The following RASSF5 variants were observed in gnomAD, a reference collection of about 807,000 sequenced individuals.
The protein encoded by RASSF5 is ras association domain-containing protein 5.
In RASSF5, 25 loss-of-function variants were observed where a neutral mutation model predicts 40.5. The ratio of observed to expected loss-of-function variants is 0.62; its 90% CI spans 0.45 to 0.86. The LOEUF (loss-of-function observed/expected upper bound fraction) is 0.86, where lower values mean the gene tolerates loss of function less well. Among genes scored for constraint, RASSF5 ranks in the 40% least tolerant of loss-of-function variants. The probability of loss-of-function intolerance (pLI) is 0.00; values close to 1 mark genes in which losing one functional copy is unlikely to be tolerated. For missense variants in RASSF5, 521 were observed against 572.8 expected, an observed-to-expected ratio of 0.91 and a Z score of 0.92; for synonymous variants, 246 against 252.4, an observed-to-expected ratio of 0.97 and a Z score of 0.24.
chr1:206,547,881 G>A (rs1572330013), intron 2 of RASSF5, among the ~76,000 whole-genome samples: 1 of 151,942 alleles, frequency 6.6e-6, no homozygotes, highest in Non-Finnish European at 1.5e-5. Context: ...GGTAGATCCA[G>A]GTTTCCATCC....
chr1:206,510,338 C>T (rs564686990), intron 1 of RASSF5, among the ~76,000 whole-genome samples: 1 of 152,008 alleles, frequency 6.6e-6, no homozygotes, highest in African/African-American at 2.4e-5. Context: ...CCACTTAGTC[C>T]CCACGTGAGT....
rs1178364284 is a variant in RASSF5 at position 206,579,674 on chromosome 1, C to T, written c.580-3595C>T. ...ATCAACTAGGAGATTTTTAAAATTCCCATGCCCAGACTGCACCCCAGACCA... is the reference window on the plus strand; with the variant it reads ...ATCAACTAGGAGATTTTTAAAATTCTCATGCCCAGACTGCACCCCAGACCA... On this transcript the variant is annotated intron_variant, in intron 2 of 5. Transcript: ENST00000579436. This position sits in a 1 kb window ranked among gnomAD's most constrained non-coding sequence, Gnocchi z 4.2. Among the ~76,000 whole-genome samples the T allele has an allele frequency of 6.6e-6, 1 of 152,090 alleles. No individual in the cohort carries two copies. Among genetic ancestry groups the T allele is most frequent in the East Asian group, 1.9e-4 (1 of 5,200 alleles).
intron 1 of RASSF5, among the ~76,000 whole-genome samples, chr1:206,509,722 T>A: frequency 9.1e-6 from 1 of 109,806 alleles, no homozygotes; most frequent in East Asian, 2.5e-4. Context: ...AGTTTTGTGA[T>A]TTTCTTTTTT....
intron 1 of RASSF5, among the ~76,000 whole-genome samples, chr1:206,522,308 C>T (rs1033321210): frequency 1.3e-5 from 2 of 152,044 alleles, no homozygotes; most frequent in Non-Finnish European, 2.9e-5. Flanking sequence ...GAGACGGAAC[C>T]GTAGAAAAAG....
chr1:206,560,902 A>G lies in RASSF5; in HGVS notation c.580-22367A>G, dbSNP rs782349709. Among the ~76,000 whole-genome samples, 3 of 152,244 alleles carry G rather than the reference A, an allele frequency of 2.0e-5. No individual in the cohort carries two copies. Among genetic ancestry groups the G allele is most frequent in the Non-Finnish European group, 4.4e-5 (3 of 68,038 alleles). On this transcript the variant is annotated intron_variant, in intron 2 of 5. Coordinates refer to ENST00000579436, the MANE Select transcript of RASSF5 (RefSeq NM_182663.4). The surrounding 1 kb of genome is among the most constrained non-coding windows in gnomAD (Gnocchi z 5.1). Reference sequence around the variant, plus strand: ...GGACTGGTGACTGTGAAGCCAGGCCAGGCCCTCTGTCCATCCCTCATATTT... The same window carrying G: ...GGACTGGTGACTGTGAAGCCAGGCCGGGCCCTCTGTCCATCCCTCATATTT...
rs140102421 is a variant in RASSF5, at chr1:206,535,684, G to GGTGT, written c.458-2473_458-2470dup. ...CAGCTCAGCATGGTGATGTTTTCAG[G>GGTGT]GTGTGTGTGTGTGTGTGTCTGTGTG... On this transcript the variant is annotated intron_variant, in intron 1 of 5. Coordinates refer to ENST00000579436, the MANE Select transcript of RASSF5 (RefSeq NM_182663.4). This position sits in a 1 kb window ranked among gnomAD's most constrained non-coding sequence, Gnocchi z 5.0. Among the ~76,000 whole-genome samples the GGTGT allele has an allele frequency of 1.4e-5, 2 of 148,018 alleles. No homozygotes were observed. Among genetic ancestry groups the GGTGT allele is most frequent in the African/African-American group, 2.5e-5 (1 of 39,716 alleles).
At chr1:206,582,987 AATCTC>A in intron 2 of RASSF5, 1 of 298,514 alleles carries the variant, frequency 3.3e-6, no homozygotes, top group Non-Finnish European at 6.5e-6. Flanking sequence ...CTTTCACACT[AATCTC>A]AAGACAAGCC....
rs573138386 is a variant in RASSF5, at chr1:206,579,585, G to A, written c.580-3684G>A. On this transcript the variant is annotated intron_variant, in intron 2 of 5. Coordinates refer to ENST00000579436, the MANE Select transcript of RASSF5 (RefSeq NM_182663.4). The surrounding 1 kb of genome is among the most constrained non-coding windows in gnomAD (Gnocchi z 4.2). ...TCAGCAGCTGGATGAAGACCCTTGA[G>A]GTCTGGAATTGTTGTGAGGGGTCTG... Among the ~76,000 whole-genome samples the A allele has an allele frequency of 1.1e-4, 16 of 152,322 alleles. No homozygotes were observed. Among genetic ancestry groups the A allele is most frequent in the African/African-American group, 2.6e-4 (11 of 41,568 alleles).
chr1:206,584,640 C>A lies in RASSF5; in HGVS notation c.944C>A (p.Pro315His). The change falls in exon 4 of 6, where the codon CCC becomes CAC. Residue 315 changes from proline (P) to histidine (H), a missense_variant. Pro to His is a moderately conservative substitution (Grantham distance 77, BLOSUM62 -2). Transcript: ENST00000579436. The surrounding 1 kb of genome is among the most constrained non-coding windows in gnomAD (Gnocchi z 4.9). The stretch of plus-strand genomic sequence containing the variant: ...AAGAAGTTCATGGTTGTGGACAATC[C>A]CCAGAAGTTTGCACTTTTTAAGCGG... Reference protein sequence around the residue: ...LLKKFMVVDNPQKFALFKRIH... With the variant: ...LLKKFMVVDNHQKFALFKRIH... The A allele has an allele frequency of 6.2e-7, 1 of 1,614,156 alleles. No individual in the cohort carries two copies. The highest frequency in any genetic ancestry group is 8.5e-7 in the Non-Finnish European group (1 of 1,180,040).
chr1:206,575,362 G>C (rs1306643109), intron 2 of RASSF5, among the ~76,000 whole-genome samples: 3 of 152,202 alleles, frequency 2.0e-5, no homozygotes, highest in African/African-American at 7.2e-5. Context: ...AGCTGAGAAA[G>C]AGGAAATGTG....
At position 206,538,263 on chromosome 1, in the gene RASSF5, A is replaced by T; in HGVS notation, c.549A>T (p.Pro183=). 4 of 1,614,088 alleles carry T rather than the reference A, an allele frequency of 2.5e-6. No individual in the cohort carries two copies. The highest frequency in any genetic ancestry group is 3.4e-6 in the Non-Finnish European group (4 of 1,180,024). Residue 183 remains proline (P), a synonymous_variant, in exon 2 of 6, where the codon CCA becomes CCT. Transcript: ENST00000579436. ...GTTTATCCCGGGACAGACCCTCTCC[A>T]GAAAGCACCCTCACCGTGACCTTCA... ...QEGLSRDRPS[P]ESTLTVTFSQ...
chr1:206,511,172 T>C (rs976076668), intron 1 of RASSF5, among the ~76,000 whole-genome samples: 1 of 152,032 alleles, frequency 6.6e-6, no homozygotes, highest in Non-Finnish European at 1.5e-5. Flanking sequence ...GGAAATCCAG[T>C]GGGGATCTGT....
At position 206,507,836 on chromosome 1, in the gene RASSF5, A is replaced by G. The variant is rs1666499073; in HGVS notation, c.234A>G (p.Arg78=). ...GNLEPPPRAS[R]PARPLRPGLQ... is the part of the protein sequence containing the mutation. Reference sequence around the variant, plus strand: ...TGGAGCCCCCGCCCCGGGCCTCCCGACCCGCTCGCCCGCTCCGGCCTGGTC... The same window carrying G: ...TGGAGCCCCCGCCCCGGGCCTCCCGGCCCGCTCGCCCGCTCCGGCCTGGTC... The change falls in exon 1 of 6, where the codon CGA becomes CGG. Residue 78 remains arginine (R), a synonymous_variant. Transcript: ENST00000579436. 2.1e-6 allele frequency: 3 copies of G among 1,443,432 alleles called. No homozygotes were observed. Among genetic ancestry groups the G allele is most frequent in the South Asian group, 1.4e-5 (1 of 72,426 alleles). The allele number at this position is 1,443,432 out of a possible 1,614,324, so 89.4% of individuals were successfully genotyped here. A position where few individuals can be genotyped will look rare whatever the true frequency, so the allele number is the denominator to read the frequency against.
At chr1:206,509,762 G>T (rs868937) in intron 1 of RASSF5, among the ~76,000 whole-genome samples, 59,856 of 151,306 alleles carry the variant, frequency 0.4, 12,777 homozygotes, top group South Asian at 0.57. Flanking sequence ...TGGTGCGTTT[G>T]TGTGTATTTG....
At chr1:206,529,428 C>G (rs1370359569) in intron 1 of RASSF5, 6 of 840,958 alleles carry the variant, frequency 7.1e-6, no homozygotes, top group African/African-American at 1.7e-5. Context: ...TGCCCTGTGT[C>G]ATAAAATGGG....
chr1:206,567,202 A>C (rs1478813047), intron 2 of RASSF5, among the ~76,000 whole-genome samples: 1 of 152,058 alleles, frequency 6.6e-6, no homozygotes, highest in Non-Finnish European at 1.5e-5. Flanking sequence ...TAAGCAACCA[A>C]GCCCTGGCAC....
intron 1 of RASSF5, among the ~76,000 whole-genome samples, chr1:206,514,915 C>T (rs559606053): frequency 2.0e-5 from 3 of 152,310 alleles, no homozygotes; most frequent in Admixed American, 6.5e-5. Context: ...TCACTAAGGC[C>T]GTTTGATGTG....
intron 2 of RASSF5, chr1:206,581,129 G>A (rs946756791): frequency 6.6e-6 from 1 of 152,238 alleles, no homozygotes; most frequent in Admixed American, 6.5e-5. Flanking sequence ...GGGACCACAG[G>A]CATGTTTCTT....
At chr1:206,523,024 T>A (rs1171257614) in intron 1 of RASSF5, among the ~76,000 whole-genome samples, 1 of 151,926 alleles carries the variant, frequency 6.6e-6, no homozygotes, top group African/African-American at 2.4e-5. Flanking sequence ...AAAAATATAT[T>A]CCAGGCGTGG....
Sources: gnomAD v4.1 joint callset for allele counts (sites outside exome capture counted in the v4.1 genomes callset) on GRCh38, gnomAD v4.1.1 for gene constraint, Gnocchi (gnomAD v3.1) non-coding constraint, MANE v1.5 for transcripts, NCBI Gene and HGNC (gene_info 2026-07-23, HGNC 2026-07-21) for gene names.